Variants in TMPRSS15 observed in about 807,000 individuals in gnomAD.
The protein encoded by TMPRSS15 is transmembrane serine protease 15.
TMPRSS15 carries 128 observed loss-of-function variants against 125.3 expected under a neutral mutation model. That is an observed-to-expected ratio of 1.02 (90% CI 0.89 to 1.18). The LOEUF (loss-of-function observed/expected upper bound fraction) is 1.18, where lower values mean the gene tolerates loss of function less well. TMPRSS15 is among the 50% of genes most tolerant of loss of function. The pLI is 0.00. For missense variants in TMPRSS15, 1,283 were observed against 1,212.7 expected (o/e 1.06, Z -0.86); for synonymous variants, 446 against 423.2 (o/e 1.05, Z -0.66).
In TMPRSS15 at chr21:18,269,961, GA is replaced by G. The variant is rs36047222; in HGVS notation, c.*7del. 2.2e-5 allele frequency: 36 copies of G among 1,613,470 alleles called. No individual in the cohort carries two copies. The African/African-American group carries it at 4.4e-4, about 20-fold the overall frequency. ...AATGCGACTTTCCTGTTTAGTTTAA[GA>G]AATGCGCTAATGTAGAAAACTTTGT... On this transcript the variant is annotated 3_prime_UTR_variant, in exon 25 of 25. Transcript: ENST00000284885.
At chr21:18,319,654 C>A (rs2146950138) in intron 16 of TMPRSS15, among the ~76,000 whole-genome samples, 1 of 152,238 alleles carries the variant, frequency 6.6e-6, no homozygotes, top group East Asian at 1.9e-4. Flanking sequence ...GTCTCAAACT[C>A]CCGACCTCAG....
chr21:18,391,710 A>G (rs1400831526), intron 3 of TMPRSS15, among the ~76,000 whole-genome samples: 2 of 152,154 alleles, frequency 1.3e-5, no homozygotes, highest in Non-Finnish European at 2.9e-5. Context: ...CTCCAGAGTC[A>G]GCCCAGGGGG....
intron 15 of TMPRSS15, among the ~76,000 whole-genome samples, chr21:18,328,051 T>G (rs1569011166): frequency 6.6e-6 from 1 of 152,068 alleles, no homozygotes; most frequent in East Asian, 1.9e-4. Context: ...AGGCTCCATC[T>G]CAACAACAAC....
At chr21:18,457,575 T>C (rs1978467286) in intron 1 of TMPRSS15, among the ~76,000 whole-genome samples, 2 of 152,162 alleles carry the variant, frequency 1.3e-5, no homozygotes, top group Non-Finnish European at 2.9e-5. Context: ...TTTGTGAAAG[T>C]AACAATCTTA....
intron 1 of TMPRSS15, among the ~76,000 whole-genome samples, chr21:18,480,736 G>C (rs909241225): frequency 5.2e-4 from 79 of 151,714 alleles, no homozygotes; most frequent in African/African-American, 1.8e-3. Context: ...AAAAATCTAT[G>C]TGACTCAAAG....
intron 3 of TMPRSS15, among the ~76,000 whole-genome samples, chr21:18,396,830 CT>C (rs2076044902): frequency 6.9e-6 from 1 of 144,908 alleles, no homozygotes; most frequent in African/African-American, 2.6e-5. Flanking sequence ...ATCTATCTAT[CT>C]ATCTATCTAT....
At chr21:18,377,667 G>A (rs1853242794) in intron 5 of TMPRSS15, among the ~76,000 whole-genome samples, 1 of 152,124 alleles carries the variant, frequency 6.6e-6, no homozygotes, top group Admixed American at 6.6e-5. Flanking sequence ...GATTGAGAAT[G>A]TATGTTACTT....
At chr21:18,358,889 T>C (rs2075651926) in intron 8 of TMPRSS15, among the ~76,000 whole-genome samples, 1 of 152,074 alleles carries the variant, frequency 6.6e-6, no homozygotes. Context: ...TCAATAGGAT[T>C]CACTTTTCAT....
chr21:18,307,198 C>T (rs1433001906), intron 18 of TMPRSS15, among the ~76,000 whole-genome samples: 1 of 152,162 alleles, frequency 6.6e-6, no homozygotes, highest in Admixed American at 6.5e-5. Flanking sequence ...TAAGCACAGG[C>T]TCAAAGATTA....
In TMPRSS15 at chr21:18,394,742, A is replaced by C. The variant is rs2076019460; in HGVS notation, c.344+3137T>G. On this transcript the variant is annotated intron_variant, in intron 3 of 24. Transcript: ENST00000284885. ...AAACACATTCCTACTAAATTATAAC[A>C]GTATTACAATCTAAATGATAAAAAA... 3.9e-5 allele frequency among the ~76,000 whole-genome samples: 6 copies of C among 152,246 alleles called. No individual in the cohort carries two copies. In the South Asian group the frequency reaches 1.2e-3, roughly 32 times the overall value.
chr21:18,359,219 G>A (rs531307357), intron 8 of TMPRSS15, among the ~76,000 whole-genome samples: 14 of 152,020 alleles, frequency 9.2e-5, no homozygotes, highest in South Asian at 6.2e-4. Context: ...TTCCAGCCCC[G>A]TCCATGTGTA....
At chr21:18,356,810 T>C (rs2075629675) in intron 8 of TMPRSS15, among the ~76,000 whole-genome samples, 1 of 151,842 alleles carries the variant, frequency 6.6e-6, no homozygotes, top group African/African-American at 2.4e-5. Context: ...ATTTTTGTTG[T>C]AGGATAAGTT....
chr21:18,403,117 G>A (rs1180431891), intron 1 of TMPRSS15, among the ~76,000 whole-genome samples: 2 of 152,040 alleles, frequency 1.3e-5, no homozygotes, highest in East Asian at 1.9e-4. Context: ...ATATGTTTGT[G>A]ATTTAAATTA....
upstream of TMPRSS15, among the ~76,000 whole-genome samples, chr21:18,404,446 A>G (rs1157454137): frequency 6.6e-6 from 1 of 152,156 alleles, no homozygotes; most frequent in Non-Finnish European, 1.5e-5. Context: ...TATCTCTTTA[A>G]ATATGCCAAT....
upstream of TMPRSS15, among the ~76,000 whole-genome samples, chr21:18,404,714 A>C (rs1474306775): frequency 6.6e-6 from 1 of 152,046 alleles, no homozygotes; most frequent in East Asian, 1.9e-4. Flanking sequence ...TAGATTGGAA[A>C]CCCCTAACAC....
chr21:18,383,729 A>T lies in TMPRSS15; in HGVS notation c.394T>A (p.Ser132Thr), dbSNP rs1370973565. 3 of 1,613,856 alleles carry T rather than the reference A, an allele frequency of 1.9e-6. No individual in the cohort carries two copies. Among genetic ancestry groups the T allele is most frequent in the Admixed American group, 3.3e-5 (2 of 59,978 alleles). ...AGTTCTTCTTTTACATTTTCATCTG[A>T]CACCCACTGGGCAAAGAAAAGGTCA... ...VFDLFFAQWV[S>T]DENVKEELIQ... is the part of the protein sequence containing the mutation. The change falls in exon 4 of 25, where the codon TCA becomes ACA. Residue 132 changes from serine to threonine, a missense_variant. Transcript: ENST00000284885.
chr21:18,406,743 G>A (rs1339398839), upstream of TMPRSS15, among the ~76,000 whole-genome samples: 1 of 152,100 alleles, frequency 6.6e-6, no homozygotes, highest in African/African-American at 2.4e-5. Context: ...TTAATATCTA[G>A]AAAAACTAAA....
At chr21:18,449,535 T>G (rs2076262828) in intron 1 of TMPRSS15, among the ~76,000 whole-genome samples, 2 of 152,148 alleles carry the variant, frequency 1.3e-5, no homozygotes, top group Admixed American at 6.6e-5. Context: ...TAACTTTGGT[T>G]AGAATATTGA....
At chr21:18,476,400 T>C (rs1353962065) in intron 1 of TMPRSS15, among the ~76,000 whole-genome samples, 3 of 152,164 alleles carry the variant, frequency 2.0e-5, no homozygotes, top group Non-Finnish European at 2.9e-5. Context: ...CAAATCATTG[T>C]GCAAGAGAAA....
Sources: gnomAD v4.1 joint callset for allele counts (sites outside exome capture counted in the v4.1 genomes callset) on GRCh38, gnomAD v4.1.1 for gene constraint, MANE v1.5 for transcripts, NCBI Gene and HGNC (gene_info 2026-07-23, HGNC 2026-07-21) for gene names.